Variants in UBE2F observed in about 807,000 individuals in gnomAD.
UBE2F encodes the protein ubiquitin conjugating enzyme E2 F (putative), also known as NEDD8-conjugating enzyme UBE2F.
A neutral mutation model predicts 29.6 loss-of-function variants in UBE2F; 5 were observed. The ratio of observed to expected loss-of-function variants is 0.17; its 90% CI spans 0.09 to 0.36. The LOEUF is 0.36. UBE2F is among the 10% of genes least tolerant of loss of function. UBE2F has a pLI of 1.00. For missense variants in UBE2F, 141 were observed against 228.5 expected, an observed-to-expected ratio of 0.62 and a Z score of 2.47; for synonymous variants, 66 against 81.8, an observed-to-expected ratio of 0.81 and a Z score of 1.04.
intron 2 of UBE2F, among the ~76,000 whole-genome samples, chr2:237,975,310 A>C (rs2063259259): frequency 6.6e-6 from 1 of 151,648 alleles, no homozygotes; most frequent in Non-Finnish European, 1.5e-5. Flanking sequence ...GGGTTTCATT[A>C]TGTTGCCCAG....
rs1014260785 is a variant in UBE2F at position 238,019,554 on chromosome 2, C to G, written c.282+2921C>G. ...GCTAATTTTGTATTTTTAGTAGAGA[C>G]GGAGTTTCTCCATGTTGGTCAGGCT... On this transcript the variant is annotated intron_variant, in intron 5 of 9. Coordinates refer to ENST00000272930, the MANE Select transcript of UBE2F (RefSeq NM_080678.3). Among the ~76,000 whole-genome samples the G allele has an allele frequency of 4.6e-5, 7 of 150,830 alleles. No individual in the cohort carries two copies. In the East Asian group the frequency reaches 1.4e-3, roughly 30 times the overall value.
At position 237,988,069 on chromosome 2, in the gene UBE2F, G is replaced by T. The variant is rs116145217; in HGVS notation, c.148+77G>T. 2.8e-3 allele frequency: 2,335 copies of T among 819,622 alleles called. 35 individuals carry two copies. The African/African-American group carries it at 0.038, about 13-fold the overall frequency. The allele number at this position is 819,622 out of a possible 1,614,324, so 50.8% of individuals were successfully genotyped here. ...AAACTTTTTATGTTTTAATAACCTTGTATAGTAAAAAGCCTATTTTTCATG... is the reference window on the plus strand; with the variant it reads ...AAACTTTTTATGTTTTAATAACCTTTTATAGTAAAAAGCCTATTTTTCATG... On this transcript the variant is annotated intron_variant, in intron 3 of 9. Coordinates refer to ENST00000272930, the MANE Select transcript of UBE2F (RefSeq NM_080678.3).
At chr2:237,984,579 C>A (rs2063442065) in intron 2 of UBE2F, among the ~76,000 whole-genome samples, 1 of 152,214 alleles carries the variant, frequency 6.6e-6, no homozygotes, top group Admixed American at 6.5e-5. Flanking sequence ...TTCCTCTTTC[C>A]TCAGTCCCCA....
chr2:237,991,929 G>A (rs978953321), intron 3 of UBE2F, among the ~76,000 whole-genome samples: 5 of 150,484 alleles, frequency 3.3e-5, no homozygotes, highest in Non-Finnish European at 1.5e-5. Flanking sequence ...GAAGTGGCAC[G>A]ATCTCAGCTC....
chr2:238,031,839 G>C (rs2064589304), intron 7 of UBE2F, among the ~76,000 whole-genome samples: 1 of 152,252 alleles, frequency 6.6e-6, no homozygotes, highest in Non-Finnish European at 1.5e-5. Flanking sequence ...AAAAACAACA[G>C]ACTTTATTTT....
rs763682527 is a variant in UBE2F at position 238,035,946 on chromosome 2, C to T, written c.507+6C>T. On this transcript the variant is annotated splice_donor_region_variant and intron_variant, in intron 9 of 9. Transcript: ENST00000272930. ...AACATCATTTGCGGGACAAGGTGAG[C>T]CAGTAACAGGCTTATTCTAGGTTGA... The T allele has an allele frequency of 2.5e-6, 4 of 1,612,224 alleles. No individual in the cohort carries two copies. The Admixed American group carries it at 6.7e-5, about 27-fold the overall frequency.
At chr2:238,001,148 C>T (rs2063785566) in intron 4 of UBE2F, among the ~76,000 whole-genome samples, 2 of 151,668 alleles carry the variant, frequency 1.3e-5, no homozygotes, top group African/African-American at 4.8e-5. Context: ...ATTCTCCTGC[C>T]TCAGCCTCCC....
In UBE2F at chr2:238,030,569, C is replaced by T; in HGVS notation, c.367C>T (p.His123Tyr). 2 of 1,613,522 alleles carry T rather than the reference C, an allele frequency of 1.2e-6. No homozygotes were observed. Among genetic ancestry groups the T allele is most frequent in the Non-Finnish European group, 1.7e-6 (2 of 1,179,684 alleles). The change falls in exon 7 of 10, where the codon CAT becomes TAT. Residue 123 changes from histidine to tyrosine, a missense_variant. His to Tyr is a moderately conservative substitution (Grantham distance 83). Transcript: ENST00000272930. ...TGTCTTTTTCAGTTTATTGAGAGAA[C>T]ATTCAATTGATGGCACTGGCTGGGC... The part of the protein sequence containing the change: ...GEICLSLLRE[H>Y]SIDGTGWAPT...
At chr2:237,986,739 A>T (rs1039020982) in intron 2 of UBE2F, among the ~76,000 whole-genome samples, 1 of 152,200 alleles carries the variant, frequency 6.6e-6, no homozygotes, top group African/African-American at 2.4e-5. Context: ...GTGAATATCC[A>T]GTTTTCCCAA....
chr2:238,009,773 T>G (rs1438474793), intron 4 of UBE2F, among the ~76,000 whole-genome samples: 1 of 152,216 alleles, frequency 6.6e-6, no homozygotes, highest in Admixed American at 6.5e-5. Flanking sequence ...AACAGTCTGA[T>G]CTGAGATGGA....
At chr2:238,024,432 A>G (rs2064366942) in intron 5 of UBE2F, among the ~76,000 whole-genome samples, 2 of 152,082 alleles carry the variant, frequency 1.3e-5, no homozygotes, top group South Asian at 4.1e-4. Flanking sequence ...TGCAGCCTAC[A>G]ACTTCTGAGC....
At chr2:237,986,970 G>A (rs6755573) in intron 2 of UBE2F, among the ~76,000 whole-genome samples, 132,961 of 152,202 alleles carry the variant, frequency 0.87, 58,337 homozygotes, top group East Asian at 0.97. Context: ...TTGGTTTTTC[G>A]GGGTGTTTTG....
rs373296044 is a variant in UBE2F, at chr2:238,035,947, C to T, written c.507+7C>T. The T allele has an allele frequency of 1.7e-5, 27 of 1,612,118 alleles. No individual in the cohort carries two copies. Among genetic ancestry groups the T allele is most frequent in the Non-Finnish European group, 2.3e-5 (27 of 1,178,702 alleles). ...ACATCATTTGCGGGACAAGGTGAGC[C>T]AGTAACAGGCTTATTCTAGGTTGAT... is the stretch of plus-strand genomic sequence containing the variant. On this transcript the variant is annotated splice_region_variant and intron_variant, in intron 9 of 9. Coordinates refer to ENST00000272930, the MANE Select transcript of UBE2F (RefSeq NM_080678.3).
At chr2:238,010,451 G>A (rs1367838507) in intron 4 of UBE2F, among the ~76,000 whole-genome samples, 2 of 152,228 alleles carry the variant, frequency 1.3e-5, no homozygotes, top group Non-Finnish European at 1.5e-5. Context: ...GATTACAGGC[G>A]TGAGCCACCG....
At chr2:237,984,721 G>A (rs1221210541) in intron 2 of UBE2F, among the ~76,000 whole-genome samples, 6 of 152,108 alleles carry the variant, frequency 3.9e-5, no homozygotes, top group Non-Finnish European at 7.4e-5. Context: ...GCAGGTTTTT[G>A]TTTTTAATTA....
intron 4 of UBE2F, among the ~76,000 whole-genome samples, chr2:238,008,925 C>G (rs1333147531): frequency 6.6e-6 from 1 of 152,186 alleles, no homozygotes; most frequent in East Asian, 1.9e-4. Flanking sequence ...TTTCTCCTCT[C>G]TGTTATTTTC....
At chr2:237,984,123 C>T (rs1259204310) in intron 2 of UBE2F, among the ~76,000 whole-genome samples, 1 of 151,460 alleles carries the variant, frequency 6.6e-6, no homozygotes, top group East Asian at 1.9e-4. Context: ...CTTTCTGGCA[C>T]TCCCGCATCC....
chr2:238,011,255 C>T (rs2064020853), intron 4 of UBE2F, among the ~76,000 whole-genome samples: 1 of 152,226 alleles, frequency 6.6e-6, no homozygotes. Flanking sequence ...TCCTCCACCT[C>T]ACTCTCTGAC....
intron 1 of UBE2F, among the ~76,000 whole-genome samples, chr2:237,971,690 C>A (rs1021084932): frequency 2.0e-5 from 3 of 152,016 alleles, no homozygotes; most frequent in Admixed American, 1.3e-4. Flanking sequence ...GCAAGGAGGA[C>A]GATTAATGTC....
Sources: allele counts gnomAD v4.1 joint callset (sites outside exome capture counted in the v4.1 genomes callset), GRCh38; gene constraint gnomAD v4.1.1; transcripts MANE v1.5; gene names NCBI Gene and HGNC (gene_info 2026-07-23, HGNC 2026-07-21).